The following ARHGEF1 variants were observed in gnomAD, a reference collection of about 807,000 sequenced individuals.
The protein encoded by ARHGEF1 is Rho guanine nucleotide exchange factor 1.
In ARHGEF1, 40 loss-of-function variants were observed where a neutral mutation model predicts 119.7. The observed-to-expected ratio is 0.33, with a 90% confidence interval of 0.26 to 0.44. The LOEUF (loss-of-function observed/expected upper bound fraction) is 0.44, where lower values mean the gene tolerates loss of function less well. ARHGEF1 is among the 20% of genes least tolerant of loss of function. The pLI is 1.00. For missense variants in ARHGEF1, 976 were observed against 1,268.3 expected (o/e 0.77, Z 3.50); for synonymous variants, 494 against 521.0 (o/e 0.95, Z 0.71).
downstream of ARHGEF1, chr19:41,908,224 C>A: frequency 8.1e-7 from 1 of 1,231,730 alleles, no homozygotes; most frequent in Non-Finnish European, 1.0e-6. This position sits in a 1 kb window ranked among gnomAD's most constrained non-coding sequence, Gnocchi z 6.7. Context: ...TGCCCCCTGC[C>A]GGCTCAGCTG....
At chr19:41,897,371 C>G in intron 13 of ARHGEF1, 1 of 1,209,054 alleles carries the variant, frequency 8.3e-7, no homozygotes. Flanking sequence ...GCCCCTCCCC[C>G]ATTTCTCCCA....
At chr19:41,884,200 C>T (rs2074258897) in intron 1 of ARHGEF1, among the ~76,000 whole-genome samples, 1 of 152,112 alleles carries the variant, frequency 6.6e-6, no homozygotes, top group East Asian at 1.9e-4. Context: ...CGGGGAGTGA[C>T]GGGGGCAGTC....
chr19:41,905,275 T>C lies in ARHGEF1; in HGVS notation c.2336+14T>C. ...CAGCCCGAGCAGGTGAGGGGGGCCA[T>C]GGAGAGAGCTGGAGGTTCAGGGAGT... On this transcript the variant is annotated intron_variant, in intron 24 of 28. Coordinates refer to ENST00000354532, the MANE Select transcript of ARHGEF1 (RefSeq NM_004706.4). This position sits in a 1 kb window ranked among gnomAD's most constrained non-coding sequence, Gnocchi z 6.4. 6.2e-7 allele frequency: 1 copy of C among 1,601,590 alleles called. No individual in the cohort carries two copies. Among genetic ancestry groups the C allele is most frequent in the Non-Finnish European group, 8.5e-7 (1 of 1,174,216 alleles).
Position 41,888,138 on chromosome 19 carries a change from C to G in ARHGEF1, c.24+32C>G. 1 of 1,614,094 alleles carries G rather than the reference C, an allele frequency of 6.2e-7. No individual in the cohort carries two copies. Among genetic ancestry groups the G allele is most frequent in the Non-Finnish European group, 8.5e-7 (1 of 1,180,006 alleles). On this transcript the variant is annotated intron_variant, in intron 2 of 28. Coordinates refer to ENST00000354532, the MANE Select transcript of ARHGEF1 (RefSeq NM_004706.4). The surrounding 1 kb of genome is among the most constrained non-coding windows in gnomAD (Gnocchi z 5.1). ...GGACAGAGCAAGGGGTGAGGCGACT[C>G]TGGGGCTGTGGGTGGAGAGTCCTGT...
intron 13 of ARHGEF1, chr19:41,897,348 G>C (rs925593616): frequency 7.2e-6 from 9 of 1,255,956 alleles, no homozygotes; most frequent in East Asian, 6.2e-5. Flanking sequence ...GGCCCTGGGT[G>C]GGGGAAGGGC....
In ARHGEF1 at chr19:41,903,074, T is replaced by C. The variant is rs1217565819; in HGVS notation, c.1738+176T>C. On this transcript the variant is annotated intron_variant, in intron 18 of 28. Coordinates refer to ENST00000354532, the MANE Select transcript of ARHGEF1 (RefSeq NM_004706.4). The surrounding 1 kb of genome is among the most constrained non-coding windows in gnomAD (Gnocchi z 4.2). ...CTGGGACCCCAAGGGCACACCACCA[T>C]GCCCAGCTAATTTTTTTAGTTTTTT... Among the ~76,000 whole-genome samples, 1 of 151,662 alleles carries C rather than the reference T, an allele frequency of 6.6e-6. No homozygotes were observed. The highest frequency in any genetic ancestry group is 1.5e-5 in the Non-Finnish European group (1 of 67,968).
At position 41,894,054 on chromosome 19, in the gene ARHGEF1, T is replaced by A. The variant is rs564070722; in HGVS notation, c.645-153T>A. On this transcript the variant is annotated intron_variant, in intron 8 of 28. Transcript: ENST00000354532. ...TGAACCCTCTCATCTCTCCTCAGAG[T>A]CTCACAGGAAGTAGTTGTGGGGTCA... Among the ~76,000 whole-genome samples the A allele has an allele frequency of 2.7e-5, 4 of 147,260 alleles. No homozygotes were observed. In the East Asian group the frequency reaches 7.8e-4, roughly 29 times the overall value.
Position 41,892,257 on chromosome 19 carries a change from T to C in ARHGEF1, c.325-74T>C. 1 of 1,599,340 alleles carries C rather than the reference T, an allele frequency of 6.3e-7. No individual in the cohort carries two copies. The highest frequency in any genetic ancestry group is 8.6e-7 in the Non-Finnish European group (1 of 1,169,392). On this transcript the variant is annotated intron_variant, in intron 5 of 28. Transcript: ENST00000354532. The surrounding 1 kb of genome is among the most constrained non-coding windows in gnomAD (Gnocchi z 6.3). ...CCCAGCACCCTCGCTTAGACCAGGG[T>C]TCCTGGCAGTCCTCCCGGCCTGCAT...
chr19:41,918,911 C>T (rs2074820683), upstream of ARHGEF1, among the ~76,000 whole-genome samples: 2 of 151,224 alleles, frequency 1.3e-5, no homozygotes, highest in African/African-American at 4.9e-5. Context: ...TACACACATA[C>T]ACCACACACA....
chr19:41,909,149 C>T (rs974253093), downstream of ARHGEF1: 160 of 1,231,816 alleles, frequency 1.3e-4, no homozygotes, highest in African/African-American at 1.4e-3. This position sits in a 1 kb window ranked among gnomAD's most constrained non-coding sequence, Gnocchi z 5.2. Context: ...CTCTCCCAGG[C>T]GTGGGGCAGA....
intron 11 of ARHGEF1, among the ~76,000 whole-genome samples, 175 bp downstream of exon 11, chr19:41,894,836 G>A (rs1406628913): frequency 1.4e-5 from 2 of 146,636 alleles, no homozygotes; most frequent in African/African-American, 5.2e-5. Flanking sequence ...GGGAGCTCCT[G>A]GGTCTGAGGG....
At chr19:41,908,632 C>T, downstream of ARHGEF1, 1 of 1,231,656 alleles carries the variant, frequency 8.1e-7, no homozygotes, top group Non-Finnish European at 1.0e-6. The surrounding 1 kb of genome is among the most constrained non-coding windows in gnomAD (Gnocchi z 6.7). Context: ...AAGGCGCGGC[C>T]ATAAGGACCC....
At chr19:41,909,520 C>G, downstream of ARHGEF1, 1 of 1,233,482 alleles carries the variant, frequency 8.1e-7, no homozygotes, top group Non-Finnish European at 1.0e-6. This position sits in a 1 kb window ranked among gnomAD's most constrained non-coding sequence, Gnocchi z 5.2. Context: ...AGCCCTGGGG[C>G]GGGATCTGGG....
At chr19:41,928,837 C>G (rs1258601647) in exon 2 of ARHGEF1, 2 of 448,784 alleles carry the variant, frequency 4.5e-6, no homozygotes, top group Non-Finnish European at 9.0e-6. Flanking sequence ...TAAGTGGACG[C>G]GCGGACAAAC....
chr19:41,904,203 G>A lies in ARHGEF1; in HGVS notation c.1994-13G>A. ...CGCGGGGGCACGCCGTGTGAGCACT[G>A]CTCGCCCCGTAGAGGTGCATGTGCT... On this transcript the variant is annotated splice_polypyrimidine_tract_variant and intron_variant, in intron 21 of 28. Coordinates refer to ENST00000354532, the MANE Select transcript of ARHGEF1 (RefSeq NM_004706.4). This position sits in a 1 kb window ranked among gnomAD's most constrained non-coding sequence, Gnocchi z 8.4. The A allele has an allele frequency of 6.2e-7, 1 of 1,613,380 alleles. No homozygotes were observed. Among genetic ancestry groups the A allele is most frequent in the Non-Finnish European group, 8.5e-7 (1 of 1,179,612 alleles).
chr19:41,897,219 C>A, intron 13 of ARHGEF1: 1 of 1,224,604 alleles, frequency 8.2e-7, no homozygotes, highest in Non-Finnish European at 1.1e-6. Flanking sequence ...CCTGCCCGTC[C>A]TTGTGCCGCT....
downstream of ARHGEF1, chr19:41,908,653 G>A (rs1466862227): frequency 2.4e-6 from 3 of 1,231,602 alleles, no homozygotes; most frequent in Non-Finnish European, 3.0e-6. This position sits in a 1 kb window ranked among gnomAD's most constrained non-coding sequence, Gnocchi z 6.7. Flanking sequence ...AGCAGGCCAG[G>A]GGGCTTGGAA....
chr19:41,919,512 TACACACACACAC>T, upstream of ARHGEF1, among the ~76,000 whole-genome samples: 1 of 146,592 alleles, frequency 6.8e-6, no homozygotes, highest in Admixed American at 6.8e-5. Flanking sequence ...CGTGCACGCG[TACACACACACAC>T]ACACACACAC....
At chr19:41,884,492 A>C (rs782162521) in intron 1 of ARHGEF1, 1 of 1,607,534 alleles carries the variant, frequency 6.2e-7, no homozygotes, top group Admixed American at 1.7e-5. Flanking sequence ...CACCTGGAGC[A>C]GGTGAGGGAC....
Sources: allele counts gnomAD v4.1 joint callset (sites outside exome capture counted in the v4.1 genomes callset), GRCh38; gene constraint gnomAD v4.1.1; non-coding constraint Gnocchi (gnomAD v3.1); transcripts MANE v1.5; gene names NCBI Gene and HGNC (gene_info 2026-07-23, HGNC 2026-07-21).